VTI1A: variants seen among roughly 807,000 people sequenced by gnomAD.
The protein encoded by VTI1A is vesicle transport through interaction with t-SNAREs homolog 1A.
A neutral mutation model predicts 34.9 loss-of-function variants in VTI1A; 22 were observed. The observed-to-expected ratio is 0.63, with a 90% CI of 0.45 to 0.90. VTI1A has a LOEUF of 0.90. Among genes scored for constraint, VTI1A ranks in the 40% least tolerant of loss-of-function variants. The probability of loss-of-function intolerance (pLI) is 0.00; values close to 1 mark genes in which losing one functional copy is unlikely to be tolerated. For missense variants in VTI1A, 268 were observed against 275.6 expected (o/e 0.97, Z 0.20); for synonymous variants, 87 against 97.3 (o/e 0.89, Z 0.62).
chr10:112,522,908 C>G (rs907026482), intron 3 of VTI1A, among the ~76,000 whole-genome samples: 6 of 152,090 alleles, frequency 3.9e-5, no homozygotes, highest in Non-Finnish European at 7.4e-5. Context: ...GCAATTTAAG[C>G]AATTGCTTTG....
intron 3 of VTI1A, among the ~76,000 whole-genome samples, chr10:112,476,631 A>G (rs1313290943): frequency 6.6e-6 from 1 of 152,178 alleles, no homozygotes; most frequent in African/African-American, 2.4e-5. Context: ...CTTACGTTCT[A>G]GAATTCTTGA....
chr10:112,666,329 T>C (rs1452093733), intron 5 of VTI1A, among the ~76,000 whole-genome samples: 1 of 152,228 alleles, frequency 6.6e-6, no homozygotes, highest in Non-Finnish European at 1.5e-5. Context: ...TATGATAGTG[T>C]ATGTAACTGT....
chr10:112,687,363 A>G (rs1848452834), intron 7 of VTI1A, among the ~76,000 whole-genome samples: 1 of 150,374 alleles, frequency 6.7e-6, no homozygotes, highest in Admixed American at 6.7e-5. Flanking sequence ...CCTCCCGAGT[A>G]GCTGGGACTA....
At chr10:112,643,985 T>TA (rs11288631) in intron 5 of VTI1A, among the ~76,000 whole-genome samples, 171 of 145,640 alleles carry the variant, frequency 1.2e-3, no homozygotes, top group African/African-American at 3.1e-3. Context: ...GAATAGGAGG[T>TA]AAAAAAAAAA....
intron 7 of VTI1A, among the ~76,000 whole-genome samples, chr10:112,802,630 G>T (rs538740855): frequency 6.6e-6 from 1 of 152,172 alleles, no homozygotes; most frequent in African/African-American, 2.4e-5. Flanking sequence ...TGCTGCAGCC[G>T]CATTCTCTAG....
chr10:112,634,991 G>T (rs978935135), intron 5 of VTI1A, among the ~76,000 whole-genome samples: 1 of 152,272 alleles, frequency 6.6e-6, no homozygotes, highest in Non-Finnish European at 1.5e-5. Flanking sequence ...GTTAAAATAG[G>T]CAGACAGAGG....
intron 5 of VTI1A, among the ~76,000 whole-genome samples, chr10:112,617,162 A>T (rs1297111916): frequency 6.6e-6 from 1 of 152,212 alleles, no homozygotes; most frequent in Non-Finnish European, 1.5e-5. Context: ...CACATCACCT[A>T]TAAACAGATG....
At chr10:112,645,633 AT>A (rs1415965270) in intron 5 of VTI1A, among the ~76,000 whole-genome samples, 2 of 152,202 alleles carry the variant, frequency 1.3e-5, no homozygotes, top group African/African-American at 4.8e-5. Context: ...TTGATATGCC[AT>A]TTAGAAAAAT....
intron 5 of VTI1A, among the ~76,000 whole-genome samples, chr10:112,589,202 C>T (rs73367042): frequency 0.021 from 3,179 of 152,154 alleles, 122 homozygotes; most frequent in African/African-American, 0.073. Flanking sequence ...ACCCAAATCT[C>T]ATCTTGAATT....
In VTI1A at chr10:112,752,638, C is replaced by A. The variant is rs916098331; in HGVS notation, c.561-62652C>A. 100 of 942,778 alleles carry A rather than the reference C, an allele frequency of 1.1e-4. No individual in the cohort carries two copies. In the African/African-American group the frequency reaches 1.6e-3, roughly 15 times the overall value. 58.4% of individuals were successfully genotyped at this position (942,778 alleles called of 1,614,324 possible). ...CCAGGGTTTTTATAAGGCCCATTTG[C>A]TTTAGCTAGGTGAAGAACAGCTTCT... On this transcript the variant is annotated intron_variant, in intron 7 of 7. Coordinates refer to ENST00000393077, the MANE Select transcript of VTI1A (RefSeq NM_145206.4).
At chr10:112,737,773 C>G (rs79438987) in intron 7 of VTI1A, 10 of 882,210 alleles carry the variant, frequency 1.1e-5, no homozygotes, top group Non-Finnish European at 1.2e-5. Flanking sequence ...TTCTGGAGAT[C>G]AAAAAAAAAA....
At chr10:112,511,882 G>A (rs1447635756) in intron 3 of VTI1A, among the ~76,000 whole-genome samples, 1 of 152,100 alleles carries the variant, frequency 6.6e-6, no homozygotes, top group Admixed American at 6.6e-5. Context: ...TCCTGTTGCT[G>A]CAGATGACAT....
At chr10:112,449,230 G>C (rs1043463597) in intron 1 of VTI1A, 3 of 152,218 alleles carry the variant, frequency 2.0e-5, no homozygotes, top group African/African-American at 7.2e-5. Flanking sequence ...TGTGGTTCCA[G>C]TTAGAGTTTT....
chr10:112,648,177 TCTC>T (rs975715016), intron 5 of VTI1A, among the ~76,000 whole-genome samples: 1 of 152,228 alleles, frequency 6.6e-6, no homozygotes, highest in African/African-American at 2.4e-5. Context: ...AAAAGATTTT[TCTC>T]CTCTGTTGGA....
chr10:112,583,503 C>T (rs890465676), intron 5 of VTI1A, among the ~76,000 whole-genome samples: 1 of 152,142 alleles, frequency 6.6e-6, no homozygotes, highest in African/African-American at 2.4e-5. Flanking sequence ...ATTCAAATGC[C>T]TTGTGGTATT....
intron 3 of VTI1A, among the ~76,000 whole-genome samples, chr10:112,494,390 T>A (rs1848939558): frequency 6.6e-6 from 1 of 152,152 alleles, no homozygotes; most frequent in Admixed American, 6.5e-5. Context: ...TGATTTTGAC[T>A]CTGATTTTTA....
intron 5 of VTI1A, among the ~76,000 whole-genome samples, chr10:112,568,048 C>T (rs1851971902): frequency 6.6e-6 from 1 of 152,082 alleles, no homozygotes; most frequent in East Asian, 1.9e-4. Flanking sequence ...TGTAATGTAC[C>T]CAGATTTCAT....
intron 5 of VTI1A, among the ~76,000 whole-genome samples, chr10:112,642,977 C>CTTTTTTTTTTTTT (rs58619611): frequency 1.6e-4 from 19 of 121,008 alleles, no homozygotes; most frequent in Admixed American, 2.8e-4. Flanking sequence ...TTTTTCTTTT[C>CTTTTTTTTTTTTT]TTTTTTTTTT....
chr10:112,769,916 C>T (rs1024848201), intron 7 of VTI1A, among the ~76,000 whole-genome samples: 1 of 151,938 alleles, frequency 6.6e-6, no homozygotes, highest in Non-Finnish European at 1.5e-5. Flanking sequence ...GAGGGAGTAC[C>T]CTATCCAGAG....
Sources: gnomAD v4.1 joint callset for allele counts (sites outside exome capture counted in the v4.1 genomes callset) on GRCh38, gnomAD v4.1.1 for gene constraint, MANE v1.5 for transcripts, NCBI Gene and HGNC (gene_info 2026-07-23, HGNC 2026-07-21) for gene names.